Variants in IMMP2L observed in about 807,000 individuals in gnomAD.
The protein encoded by IMMP2L is inner mitochondrial membrane peptidase subunit 2.
A neutral mutation model predicts 19.3 loss-of-function variants in IMMP2L; 18 were observed. The ratio of observed to expected loss-of-function variants is 0.93; its 90% CI spans 0.64 to 1.38. IMMP2L has a LOEUF of 1.38. Among genes scored for constraint, IMMP2L ranks in the 40% most tolerant of loss-of-function variants. The pLI is 0.00. For missense variants in IMMP2L, 233 were observed against 218.2 expected, an observed-to-expected ratio of 1.07 and a Z score of -0.43; for synonymous variants, 76 against 73.0, an observed-to-expected ratio of 1.04 and a Z score of -0.21.
At chr7:111,228,352 A>G (rs1209265378) in intron 3 of IMMP2L, among the ~76,000 whole-genome samples, 1 of 152,000 alleles carries the variant, frequency 6.6e-6, no homozygotes, top group Non-Finnish European at 1.5e-5. Context: ...ATTTCTATCA[A>G]TTTGTATTAG....
intron 3 of IMMP2L, among the ~76,000 whole-genome samples, chr7:111,205,846 A>G (rs1378408281): frequency 6.6e-6 from 1 of 152,126 alleles, no homozygotes; most frequent in Non-Finnish European, 1.5e-5. Context: ...TATTTGATTC[A>G]TATCAGGAGT....
chr7:111,063,837 AT>A (rs1794248477), intron 3 of IMMP2L, among the ~76,000 whole-genome samples: 1 of 152,064 alleles, frequency 6.6e-6, no homozygotes, highest in Non-Finnish European at 1.5e-5. Context: ...CCTGGACCTT[AT>A]TTTTCATATC....
chr7:111,081,766 G>T (rs543576138), intron 3 of IMMP2L, among the ~76,000 whole-genome samples: 1 of 152,312 alleles, frequency 6.6e-6, no homozygotes, highest in East Asian at 1.9e-4. Context: ...TATGGGTGTA[G>T]AGGTGGCAAC....
intron 3 of IMMP2L, among the ~76,000 whole-genome samples, chr7:111,067,367 T>C (rs963088184): frequency 6.6e-6 from 1 of 152,160 alleles, no homozygotes; most frequent in African/African-American, 2.4e-5. Context: ...ATGGATGACA[T>C]AAATAGGCGT....
At chr7:111,251,701 C>T (rs1816143165) in intron 3 of IMMP2L, among the ~76,000 whole-genome samples, 1 of 152,116 alleles carries the variant, frequency 6.6e-6, no homozygotes, top group South Asian at 2.1e-4. Flanking sequence ...GATGAGAACA[C>T]ATGAACACAG....
chr7:111,397,616 C>A (rs560451775), intron 3 of IMMP2L, among the ~76,000 whole-genome samples: 1 of 152,210 alleles, frequency 6.6e-6, no homozygotes, highest in East Asian at 1.9e-4. Flanking sequence ...AAAAGTATGT[C>A]TCATTTAATT....
chr7:110,832,888 G>A (rs1036127293), intron 5 of IMMP2L, among the ~76,000 whole-genome samples: 2 of 152,112 alleles, frequency 1.3e-5, no homozygotes, highest in African/African-American at 4.8e-5. Flanking sequence ...ATGCATTTAG[G>A]TAACCAGGCC....
At chr7:111,230,202 A>G (rs1205082758) in intron 3 of IMMP2L, among the ~76,000 whole-genome samples, 1 of 152,046 alleles carries the variant, frequency 6.6e-6, no homozygotes, top group Non-Finnish European at 1.5e-5. Flanking sequence ...AAAATGGGGA[A>G]GTTAGTGCTC....
chr7:111,424,082 C>T (rs1835846249), intron 3 of IMMP2L, among the ~76,000 whole-genome samples: 2 of 151,814 alleles, frequency 1.3e-5, no homozygotes, highest in Admixed American at 1.3e-4. Flanking sequence ...TACCAACATG[C>T]CCTGTTCTTC....
At chr7:111,344,823 G>A (rs755661876) in intron 3 of IMMP2L, among the ~76,000 whole-genome samples, 1 of 152,126 alleles carries the variant, frequency 6.6e-6, no homozygotes, top group African/African-American at 2.4e-5. Flanking sequence ...GGACAAACAG[G>A]AGAATGGAGG....
chr7:111,548,321 C>A (rs1292869609), intron 1 of IMMP2L, among the ~76,000 whole-genome samples: 1 of 152,140 alleles, frequency 6.6e-6, no homozygotes, highest in African/African-American at 2.4e-5. Context: ...TTCTCAATAT[C>A]ATAAATCAGG....
intron 3 of IMMP2L, among the ~76,000 whole-genome samples, chr7:111,427,484 C>A (rs1215587255): frequency 6.6e-6 from 1 of 151,720 alleles, no homozygotes; most frequent in African/African-American, 2.4e-5. Context: ...AACCTGATTT[C>A]ATTTGTTAGT....
chr7:111,411,574 G>C (rs1016164575), intron 3 of IMMP2L: 2 of 324,386 alleles, frequency 6.2e-6, no homozygotes, highest in African/African-American at 2.2e-5. Context: ...TCCTTCAACA[G>C]GCTGATTTAG....
At chr7:111,127,751 A>T (rs564212089) in intron 3 of IMMP2L, among the ~76,000 whole-genome samples, 1 of 152,300 alleles carries the variant, frequency 6.6e-6, no homozygotes, top group East Asian at 1.9e-4. Context: ...AAAACGCTAA[A>T]GTTTATAGCT....
At chr7:111,216,412 C>G (rs187492609) in intron 3 of IMMP2L, among the ~76,000 whole-genome samples, 135 of 152,232 alleles carry the variant, frequency 8.9e-4, no homozygotes, top group African/African-American at 3.2e-3. Context: ...CACAAATTGT[C>G]AATTTATGAC....
At chr7:111,052,772 A>G in intron 3 of IMMP2L, among the ~76,000 whole-genome samples, 1 of 152,266 alleles carries the variant, frequency 6.6e-6, no homozygotes, top group South Asian at 2.1e-4. Flanking sequence ...CAATAGTAAT[A>G]TCAATAGTAG....
At chr7:110,997,951 A>C (rs1823218023) in intron 3 of IMMP2L, among the ~76,000 whole-genome samples, 1 of 152,166 alleles carries the variant, frequency 6.6e-6, no homozygotes, top group South Asian at 2.1e-4. Flanking sequence ...ATGCTATAGA[A>C]ATAGAACATG....
chr7:111,033,294 G>A (rs1791019367), intron 3 of IMMP2L, among the ~76,000 whole-genome samples: 1 of 152,106 alleles, frequency 6.6e-6, no homozygotes, highest in Non-Finnish European at 1.5e-5. Context: ...ATTCAACCGT[G>A]ACTAAAACCC....
intron 5 of IMMP2L, among the ~76,000 whole-genome samples, chr7:110,836,599 G>T (rs1234297731): frequency 6.6e-6 from 1 of 152,038 alleles, no homozygotes; most frequent in Non-Finnish European, 1.5e-5. Context: ...TCTTTCTTTT[G>T]TAAATTGCCA....
Sources: allele counts gnomAD v4.1 joint callset (sites outside exome capture counted in the v4.1 genomes callset), GRCh38; gene constraint gnomAD v4.1.1; transcripts MANE v1.5; gene names NCBI Gene and HGNC (gene_info 2026-07-23, HGNC 2026-07-21).